Variants in OR2T6 observed in about 807,000 individuals in gnomAD.
OR2T6 encodes olfactory receptor family 2 subfamily T member 6, also known as olfactory receptor 2T6.
For synonymous variants in OR2T6, 174 were observed against 148.0 expected (o/e 1.18, Z -1.27); for missense variants, 424 against 391.6 (o/e 1.08, Z -0.70).
At chr1:248,379,585 A>G (rs59695384) in intron 1 of OR2T6, among the ~76,000 whole-genome samples, 13,583 of 152,228 alleles carry the variant, frequency 0.089, 1,865 homozygotes, top group African/African-American at 0.3. Context: ...TGTTATTAAT[A>G]TACTTCTGAG....
chr1:248,385,918 A>G (rs6587466), intron 2 of OR2T6, among the ~76,000 whole-genome samples: 30,940 of 152,202 alleles, frequency 0.2, 3,451 homozygotes, highest in East Asian at 0.41. Flanking sequence ...TCATGACAAC[A>G]TCCCGTAAGT....
intron 1 of OR2T6, among the ~76,000 whole-genome samples, chr1:248,383,250 A>G (rs1324715440): frequency 5.8e-5 from 6 of 104,042 alleles, no homozygotes; most frequent in Admixed American, 1.9e-4. Context: ...TAGTGTTATC[A>G]TCATGGAGAA....
Position 248,391,233 on chromosome 1 carries a change from T to C in OR2T6, c.*2698T>C, listed in dbSNP as rs1004104021. On this transcript the variant is annotated 3_prime_UTR_variant, in exon 3 of 3. Coordinates refer to ENST00000641644, the MANE Select transcript of OR2T6 (RefSeq NM_001005471.2). ...CTTAATCAGAAAGTCCTTCAGAAATTAAATGGATAAAGTGTGGCACATGCA... is the reference window on the plus strand; with the variant it reads ...CTTAATCAGAAAGTCCTTCAGAAATCAAATGGATAAAGTGTGGCACATGCA... 1 of 152,196 alleles carries C rather than the reference T, an allele frequency of 6.6e-6. No individual in the cohort carries two copies. The highest frequency in any genetic ancestry group is 2.4e-5 in the African/African-American group (1 of 41,438). 9.4% of individuals were successfully genotyped at this position (152,196 alleles called of 1,614,324 possible).
In OR2T6 at chr1:248,388,319, C is replaced by T. The variant is rs1428678510; in HGVS notation, c.711C>T (p.Ala237=). 3 of 1,613,602 alleles carry T rather than the reference C, an allele frequency of 1.9e-6. No homozygotes were observed. The East Asian group carries it at 6.7e-5, about 36-fold the overall frequency. The change falls in exon 3 of 3, where the codon GCC becomes GCT. Residue 237 remains alanine, a synonymous_variant. Coordinates refer to ENST00000641644, the MANE Select transcript of OR2T6 (RefSeq NM_001005471.2). The part of the protein sequence containing the change: ...QMTSAEGRKK[A]FATCSSHMMV... ...CATCGGCTGAAGGGAGGAAGAAGGCCTTTGCCACCTGCTCTTCACACATGA... is the reference window on the plus strand; with the variant it reads ...CATCGGCTGAAGGGAGGAAGAAGGCTTTTGCCACCTGCTCTTCACACATGA...
At position 248,387,066 on chromosome 1, in the gene OR2T6, A is replaced by G. The variant is rs532648365; in HGVS notation, c.-4-539A>G. 3.3e-5 allele frequency among the ~76,000 whole-genome samples: 5 copies of G among 152,338 alleles called. No individual in the cohort carries two copies. The South Asian group carries it at 1.0e-3, about 32-fold the overall frequency. On this transcript the variant is annotated intron_variant, in intron 2 of 2. Transcript: ENST00000641644. ...ACAAATGGTGAGGGAACACATAAGA[A>G]TGACCAATGATCAGGCAGATAATGT...
In OR2T6 at chr1:248,387,891, A is replaced by G; in HGVS notation, c.283A>G (p.Ile95Val). The change falls in exon 3 of 3, where the codon ATC becomes GTC. Residue 95 changes from isoleucine (I) to valine (V), a missense_variant. Physicochemically the swap from Ile to Val is conservative, Grantham distance 29. Transcript: ENST00000641644. ...YLMGEGTISF[I>V]ACTAQCFLYM... ...CATGGGCGAGGGGACCATCTCTTTC[A>G]TCGCCTGCACTGCTCAGTGCTTTCT... 6.3e-7 allele frequency: 1 copy of G among 1,596,070 alleles called. No homozygotes were observed. Among genetic ancestry groups the G allele is most frequent in the Non-Finnish European group, 8.6e-7 (1 of 1,168,760 alleles).
At chr1:248,379,437 G>C (rs1474317898) in intron 1 of OR2T6, among the ~76,000 whole-genome samples, 1 of 152,128 alleles carries the variant, frequency 6.6e-6, no homozygotes, top group Non-Finnish European at 1.5e-5. Context: ...GCAGAGTAGA[G>C]AGCTGAGTAT....
intron 1 of OR2T6, among the ~76,000 whole-genome samples, chr1:248,376,465 A>G (rs1660940022): frequency 6.6e-6 from 1 of 152,194 alleles, no homozygotes; most frequent in African/African-American, 2.4e-5. Context: ...ACTGTTCCTG[A>G]ATACTGTCAA....
At chr1:248,380,672 G>A (rs1164764227) in intron 1 of OR2T6, among the ~76,000 whole-genome samples, 1 of 151,304 alleles carries the variant, frequency 6.6e-6, no homozygotes, top group Non-Finnish European at 1.5e-5. Context: ...TTTAATGAAA[G>A]TTTGAACTTC....
chr1:248,387,451 G>A (rs966156259), intron 2 of OR2T6, among the ~76,000 whole-genome samples, 154 bp from the exon 3 acceptor site: 2 of 152,090 alleles, frequency 1.3e-5, no homozygotes, highest in African/African-American at 4.8e-5. Flanking sequence ...CCAAGAAAAA[G>A]GAAGCTACAA....
In OR2T6 at chr1:248,382,532, C is replaced by CTTTT. The variant is rs773197375; in HGVS notation, c.-158-2176_-158-2175insTTTT. Among the ~76,000 whole-genome samples the CTTTT allele has an allele frequency of 9.0e-3, 1,050 of 117,150 alleles. 32 individuals carry two copies. The highest frequency in any genetic ancestry group is 0.026 in the African/African-American group (860 of 33,226). The allele number at this position is 117,150 out of a possible 152,430, so 76.9% of individuals were successfully genotyped here. ...CAATACTCCATGTCTACCTTTCTTTCTTTCTTTTTTTTTTTTTTTAGATGG... is the reference window on the plus strand; with the variant it reads ...CAATACTCCATGTCTACCTTTCTTTCTTTTTTTCTTTTTTTTTTTTTTTAGATGG... On this transcript the variant is annotated intron_variant, in intron 1 of 2. Transcript: ENST00000641644.
Position 248,387,000 on chromosome 1 carries a change from T to G in OR2T6, c.-4-605T>G, listed in dbSNP as rs373540643. 8.5e-5 allele frequency among the ~76,000 whole-genome samples: 13 copies of G among 152,302 alleles called. No homozygotes were observed. In the East Asian group the frequency reaches 1.5e-3, roughly 18 times the overall value. ...GCTTAGAACACTGCACAGTACTCTC[T>G]CCATAAATAAAGATTAAGTGTGCAA... On this transcript the variant is annotated intron_variant, in intron 2 of 2. Coordinates refer to ENST00000641644, the MANE Select transcript of OR2T6 (RefSeq NM_001005471.2).
At position 248,390,949 on chromosome 1, in the gene OR2T6, C is replaced by T. The variant is rs951290582; in HGVS notation, c.*2414C>T. On this transcript the variant is annotated 3_prime_UTR_variant, in exon 3 of 3. Coordinates refer to ENST00000641644, the MANE Select transcript of OR2T6 (RefSeq NM_001005471.2). ...TGAATGTAATAAAACCTTATAAATG[C>T]TAGTCATTATTTCAGCTATTCTTTG... The T allele has an allele frequency of 4.6e-5, 7 of 152,124 alleles. No homozygotes were observed. The highest frequency in any genetic ancestry group is 1.0e-4 in the Non-Finnish European group (7 of 68,032). The allele number at this position is 152,124 out of a possible 1,614,324, so 9.4% of individuals were successfully genotyped here. A position where few individuals can be genotyped will look rare whatever the true frequency, so the allele number is the denominator to read the frequency against.
chr1:248,386,283 A>G (rs1259168855), intron 2 of OR2T6, among the ~76,000 whole-genome samples: 1 of 152,174 alleles, frequency 6.6e-6, no homozygotes, highest in Non-Finnish European at 1.5e-5. Flanking sequence ...TGCACCACCC[A>G]TAGCTATCTA....
chr1:248,376,647 T>A (rs28534418), intron 1 of OR2T6, among the ~76,000 whole-genome samples: 1 of 150,532 alleles, frequency 6.6e-6, no homozygotes, highest in African/African-American at 2.5e-5. Context: ...TTAATTTTTT[T>A]AATTTTTAAA....
At position 248,388,376 on chromosome 1, in the gene OR2T6, G is replaced by C; in HGVS notation, c.768G>C (p.Leu256Phe). ...MVVTLFYGAALYTYTLPQSYH... is the reference protein window; with the variant it reads ...MVVTLFYGAAFYTYTLPQSYH... The stretch of plus-strand genomic sequence containing the variant: ...TGACATTGTTCTATGGGGCTGCCTT[G>C]TATACGTATACGCTTCCCCAATCTT... The change falls in exon 3 of 3, where the codon TTG becomes TTC. Residue 256 changes from leucine to phenylalanine, a missense_variant. Leu to Phe is a conservative substitution (Grantham distance 22). Transcript: ENST00000641644. 1 of 1,613,406 alleles carries C rather than the reference G, an allele frequency of 6.2e-7. No individual in the cohort carries two copies.
rs1295610403 is a variant in OR2T6 at position 248,391,091 on chromosome 1, T to C, written c.*2556T>C. On this transcript the variant is annotated 3_prime_UTR_variant, in exon 3 of 3. Coordinates refer to ENST00000641644, the MANE Select transcript of OR2T6 (RefSeq NM_001005471.2). Reference sequence around the variant, plus strand: ...CTTTGGAATACAGTTTGACAGTTTCTTACAATATTGAACATAATCTTATCA... The same window carrying C: ...CTTTGGAATACAGTTTGACAGTTTCCTACAATATTGAACATAATCTTATCA... The C allele has an allele frequency of 6.6e-6, 1 of 152,220 alleles. No homozygotes were observed. The highest frequency in any genetic ancestry group is 1.5e-5 in the Non-Finnish European group (1 of 68,046). The allele number at this position is 152,220 out of a possible 1,614,324, so 9.4% of individuals were successfully genotyped here. A position where few individuals can be genotyped will look rare whatever the true frequency, so the allele number is the denominator to read the frequency against.
At position 248,389,659 on chromosome 1, in the gene OR2T6, C is replaced by T. The variant is rs970470126; in HGVS notation, c.*1124C>T. The T allele has an allele frequency of 1.3e-5, 2 of 152,222 alleles. No individual in the cohort carries two copies. Among genetic ancestry groups the T allele is most frequent in the Non-Finnish European group, 2.9e-5 (2 of 68,056 alleles). 9.4% of individuals were successfully genotyped at this position (152,222 alleles called of 1,614,324 possible). A position where few individuals can be genotyped will look rare whatever the true frequency, so the allele number is the denominator to read the frequency against. Reference sequence around the variant, plus strand: ...CCCAAGGGGGCAACTCTCCTTAGTACTTTTCATTCACTTGGTAGTCAGCGT... The same window carrying T: ...CCCAAGGGGGCAACTCTCCTTAGTATTTTTCATTCACTTGGTAGTCAGCGT... On this transcript the variant is annotated 3_prime_UTR_variant, in exon 3 of 3. Transcript: ENST00000641644.
intron 1 of OR2T6, among the ~76,000 whole-genome samples, chr1:248,380,598 A>G (rs1350103719): frequency 6.6e-6 from 1 of 152,006 alleles, no homozygotes; most frequent in Non-Finnish European, 1.5e-5. Flanking sequence ...ATTAGAGGTT[A>G]TAAAATTTTG....
Sources: allele counts gnomAD v4.1 joint callset (sites outside exome capture counted in the v4.1 genomes callset), GRCh38; gene constraint gnomAD v4.1.1; transcripts MANE v1.5; gene names NCBI Gene and HGNC (gene_info 2026-07-23, HGNC 2026-07-21).